IQCJ: variants seen among roughly 807,000 people sequenced by gnomAD.
The protein encoded by IQCJ is IQ motif containing J, also known as IQ domain-containing protein J.
A neutral mutation model predicts 11.0 loss-of-function variants in IQCJ; 9 were observed. That is an observed-to-expected ratio of 0.82 (90% CI 0.49 to 1.43). The LOEUF is 1.43. Ranked by LOEUF, IQCJ falls within the 40% of genes most tolerant of loss-of-function variation. The probability of loss-of-function intolerance (pLI) is 0.00; values close to 1 mark genes in which losing one functional copy is unlikely to be tolerated. For synonymous variants in IQCJ, 55 were observed against 51.3 expected, an observed-to-expected ratio of 1.07 and a Z score of -0.31; for missense variants, 146 against 133.2, an observed-to-expected ratio of 1.10 and a Z score of -0.47.
At chr3:159,086,688 G>A (rs1307278670) in intron 1 of IQCJ, among the ~76,000 whole-genome samples, 4 of 151,904 alleles carry the variant, frequency 2.6e-5, no homozygotes, top group Non-Finnish European at 5.9e-5. Flanking sequence ...AATTGTGAAT[G>A]GGAGTTCACC....
Position 159,209,052 on chromosome 3 carries a change from G to A in IQCJ, c.10-36791G>A, listed in dbSNP as rs147341916. ...CAAGCCTGAACCCACGGCCCTAAATGAGAAATTCACATCCCTGTTTTCCCA... is the reference window on the plus strand; with the variant it reads ...CAAGCCTGAACCCACGGCCCTAAATAAGAAATTCACATCCCTGTTTTCCCA... On this transcript the variant is annotated intron_variant, in intron 1 of 3. Transcript: ENST00000397832. Among the ~76,000 whole-genome samples the A allele has an allele frequency of 8.3e-3, 1,263 of 152,262 alleles. 16 individuals carry two copies. The highest frequency in any genetic ancestry group is 0.029 in the African/African-American group (1,189 of 41,542).
At chr3:159,231,976 AG>A (rs1407024817) in intron 1 of IQCJ, among the ~76,000 whole-genome samples, 2 of 152,182 alleles carry the variant, frequency 1.3e-5, no homozygotes, top group Non-Finnish European at 2.9e-5. Context: ...CAGTGGTGAT[AG>A]CCCCTTAATC....
At chr3:159,213,463 G>A (rs895468154) in intron 1 of IQCJ, among the ~76,000 whole-genome samples, 8 of 152,112 alleles carry the variant, frequency 5.3e-5, no homozygotes, top group African/African-American at 1.4e-4. Context: ...ATTTTAAGGA[G>A]TTTCAAGTTT....
At chr3:159,217,553 T>C (rs2621277) in intron 1 of IQCJ, among the ~76,000 whole-genome samples, 51,534 of 151,974 alleles carry the variant, frequency 0.34, 9,855 homozygotes, top group Non-Finnish European at 0.44. Flanking sequence ...CAAAACAAAA[T>C]ACAACCTGCA....
intron 1 of IQCJ, among the ~76,000 whole-genome samples, chr3:159,193,978 GGGGTA>G (rs1723837629): frequency 6.6e-6 from 1 of 152,190 alleles, no homozygotes; most frequent in Non-Finnish European, 1.5e-5. Context: ...TGATTTTCAA[GGGGTA>G]TAGATGTCCA....
intron 1 of IQCJ, among the ~76,000 whole-genome samples, chr3:159,125,581 T>C (rs1719634984): frequency 6.6e-6 from 1 of 152,214 alleles, no homozygotes; most frequent in Admixed American, 6.5e-5. Flanking sequence ...GTTTGTATTT[T>C]TCCTGGTAAA....
chr3:159,199,581 T>A (rs1236267705), intron 1 of IQCJ, among the ~76,000 whole-genome samples: 1 of 152,134 alleles, frequency 6.6e-6, no homozygotes, highest in East Asian at 1.9e-4. Context: ...AAAATACAGT[T>A]AAAGCGACAA....
intron 1 of IQCJ, among the ~76,000 whole-genome samples, chr3:159,197,792 C>T (rs1022663716): frequency 6.6e-6 from 1 of 151,490 alleles, no homozygotes; most frequent in Admixed American, 6.6e-5. Flanking sequence ...CACATTGTTA[C>T]CTTGTGGTAC....
intron 1 of IQCJ, among the ~76,000 whole-genome samples, chr3:159,244,340 G>A (rs1727115618): frequency 6.6e-6 from 1 of 152,136 alleles, no homozygotes; most frequent in African/African-American, 2.4e-5. Context: ...GAGTGGGGAA[G>A]ATCTGAAAAC....
At chr3:159,191,376 T>C (rs1317225502) in intron 1 of IQCJ, among the ~76,000 whole-genome samples, 2 of 152,124 alleles carry the variant, frequency 1.3e-5, no homozygotes, top group Non-Finnish European at 2.9e-5. Context: ...CCTAAGATGA[T>C]TTTGTCTAAA....
At chr3:159,136,507 A>G (rs1720297470) in intron 1 of IQCJ, among the ~76,000 whole-genome samples, 2 of 152,184 alleles carry the variant, frequency 1.3e-5, no homozygotes, top group Non-Finnish European at 2.9e-5. Flanking sequence ...TTGGGCTGCT[A>G]TAACAACGCC....
chr3:159,212,954 TTTTC>T (rs1215274881), intron 1 of IQCJ, among the ~76,000 whole-genome samples: 5 of 152,200 alleles, frequency 3.3e-5, no homozygotes, highest in Non-Finnish European at 5.9e-5. Flanking sequence ...AACACTTTTC[TTTTC>T]TTTCTTTCTT....
chr3:159,242,187 G>T lies in IQCJ; in HGVS notation c.10-3656G>T, dbSNP rs569465645. Among the ~76,000 whole-genome samples, 6 of 152,328 alleles carry T rather than the reference G, an allele frequency of 3.9e-5. 1 individual carries two copies. The South Asian group carries it at 1.2e-3, about 32-fold the overall frequency. Reference sequence around the variant, plus strand: ...GGGTGGCAGGAAATGAGGTCAGAGAGATAGGTGGGGGTTCGTGTTACATAC... The same window carrying T: ...GGGTGGCAGGAAATGAGGTCAGAGATATAGGTGGGGGTTCGTGTTACATAC... On this transcript the variant is annotated intron_variant, in intron 1 of 3. Transcript: ENST00000397832.
rs572149878 is a variant in IQCJ, at chr3:159,233,757, G to A, written c.10-12086G>A. ...AAGTAAGACATAATTGCTATCCTTG[G>A]TGTGACACTTAAGGAATCTCTCTGT... On this transcript the variant is annotated intron_variant, in intron 1 of 3. Coordinates refer to ENST00000397832, the MANE Select transcript of IQCJ (RefSeq NM_001042706.3). Among the ~76,000 whole-genome samples, 15 of 152,228 alleles carry A rather than the reference G, an allele frequency of 9.9e-5. No homozygotes were observed. In the South Asian group the frequency reaches 2.9e-3, roughly 29 times the overall value.
chr3:159,149,950 C>T (rs1721115702), intron 1 of IQCJ, among the ~76,000 whole-genome samples: 1 of 152,308 alleles, frequency 6.6e-6, no homozygotes, highest in Middle Eastern at 3.4e-3. Flanking sequence ...TTTAAGTTCT[C>T]CCATCCACCA....
intron 1 of IQCJ, among the ~76,000 whole-genome samples, chr3:159,171,873 T>G (rs1722502308): frequency 6.6e-6 from 1 of 152,212 alleles, no homozygotes; most frequent in Admixed American, 6.5e-5. Context: ...GACCTTGCAC[T>G]TCTAACAAGT....
chr3:159,262,413 T>A, intron 3 of IQCJ, 135 bp from the exon 4 acceptor site: 1 of 1,361,888 alleles, frequency 7.3e-7, no homozygotes, highest in Non-Finnish European at 9.8e-7. Flanking sequence ...ATTCACTACA[T>A]CACATTCTGT....
At chr3:159,184,506 A>T (rs1300444249) in intron 1 of IQCJ, among the ~76,000 whole-genome samples, 1 of 152,186 alleles carries the variant, frequency 6.6e-6, no homozygotes, top group African/African-American at 2.4e-5. Context: ...TGTAAACTTT[A>T]GAAGAACAGT....
chr3:159,214,788 T>C (rs1725136280), intron 1 of IQCJ, among the ~76,000 whole-genome samples: 2 of 152,324 alleles, frequency 1.3e-5, no homozygotes, highest in East Asian at 3.9e-4. Context: ...TATGACTATT[T>C]GTTCTTTCTT....
Sources: allele counts gnomAD v4.1 joint callset (sites outside exome capture counted in the v4.1 genomes callset), GRCh38; gene constraint gnomAD v4.1.1; transcripts MANE v1.5; gene names NCBI Gene and HGNC (gene_info 2026-07-23, HGNC 2026-07-21).